Variants in CARHSP1 observed in about 807,000 individuals in gnomAD.
CARHSP1 encodes calcium-regulated heat-stable protein 1.
Under a neutral mutation model 12.5 loss-of-function variants are expected in CARHSP1, and 14 were observed. The ratio of observed to expected loss-of-function variants is 1.12; its 90% confidence interval spans 0.74 to 1.75. The LOEUF is 1.75. CARHSP1 is among the 40% of genes most tolerant of loss of function. The probability of loss-of-function intolerance (pLI) is 0.00; values close to 1 mark genes in which losing one functional copy is unlikely to be tolerated. For missense variants in CARHSP1, 343 were observed against 201.6 expected (o/e 1.70, Z -4.25); for synonymous variants, 161 against 82.0 (o/e 1.96, Z -5.20).
At chr16:8,858,791 CG>C in intron 2 of CARHSP1, 1 of 423,868 alleles carries the variant, frequency 2.4e-6, no homozygotes, top group Non-Finnish European at 4.2e-6. Flanking sequence ...ATCCTCCACT[CG>C]CAAGGCCTGA....
intron 1 of CARHSP1, among the ~76,000 whole-genome samples, chr16:8,865,075 C>G (rs1464796151): frequency 6.6e-6 from 1 of 152,218 alleles, no homozygotes; most frequent in Non-Finnish European, 1.5e-5. Context: ...GCCATTTACA[C>G]TCTAGTAAGA....
intron 1 of CARHSP1, among the ~76,000 whole-genome samples, chr16:8,865,185 T>A (rs1189476770): frequency 6.6e-6 from 1 of 152,186 alleles, no homozygotes; most frequent in Non-Finnish European, 1.5e-5. Context: ...CTCAGCTCAC[T>A]GCAGACCCCC....
Position 8,855,168 on chromosome 16 carries a change from G to GATCTCCACC in CARHSP1, c.439_440insGGTGGAGAT (p.Ser146_Ser147insTrpTrpArg), listed in dbSNP as rs1396443635. The GATCTCCACC allele has an allele frequency of 1.9e-6, 3 of 1,594,158 alleles. No homozygotes were observed. In the African/African-American group the frequency reaches 4.0e-5, roughly 21 times the overall value. ...AAGGGGTGCTTCCACCATCTCCTAGGAGCTGATGACATGTCCAGACCAGGT... is the reference window on the plus strand; with the variant it reads ...AAGGGGTGCTTCCACCATCTCCTAGGATCTCCACCAGCTGATGACATGTCCAGACCAGGT... On this transcript the variant is annotated inframe_insertion, in exon 4 of 4. Transcript: ENST00000311052.
chr16:8,862,846 G>C (rs254945), intron 1 of CARHSP1, among the ~76,000 whole-genome samples: 1 of 151,920 alleles, frequency 6.6e-6, no homozygotes, highest in Admixed American at 6.6e-5. Context: ...CACCATCGTC[G>C]TCCTCCTTGC....
Position 8,859,028 on chromosome 16 carries a change from ACCCTCAG to A in CARHSP1, c.158+136_158+142del, listed in dbSNP as rs1336610389. 7.2e-6 allele frequency: 5 copies of A among 695,862 alleles called. No individual in the cohort carries two copies. The African/African-American group carries it at 7.2e-5, about 10-fold the overall frequency. 43.1% of individuals were successfully genotyped at this position (695,862 alleles called of 1,614,324 possible). On this transcript the variant is annotated intron_variant, in intron 2 of 3. Transcript: ENST00000311052. ...TTACAAGGCGCCTTCCTAGTTTCTC[ACCCTCAG>A]CCCACGGCCCAGCCCCAGGTCTGCC...
At chr16:8,863,882 C>G (rs1273084267) in intron 1 of CARHSP1, among the ~76,000 whole-genome samples, 3 of 152,284 alleles carry the variant, frequency 2.0e-5, no homozygotes, top group African/African-American at 7.2e-5. Flanking sequence ...CAGCCCCGCC[C>G]ACCAGCACAG....
rs771384250 is a variant in CARHSP1 at position 8,859,260 on chromosome 16, G to A, written c.69C>T (p.Thr23=). ...THQASVGLLD[T]PRSRERSPSP... ...ATGGTGAGCGCTCACGGCTCCGAGG[G>A]GTGTCCAGCAGCCCGACTGAAGCTT... The change falls in exon 2 of 4, where the codon ACC becomes ACT. Residue 23 remains threonine (T), a synonymous_variant. Coordinates refer to ENST00000311052, the MANE Select transcript of CARHSP1 (RefSeq NM_014316.4). 8.1e-6 allele frequency: 13 copies of A among 1,602,642 alleles called. No individual in the cohort carries two copies. The African/African-American group carries it at 1.1e-4, about 14-fold the overall frequency.
chr16:8,857,280 T>TTTTTG (rs2061160550), intron 3 of CARHSP1, among the ~76,000 whole-genome samples: 1 of 119,018 alleles, frequency 8.4e-6, no homozygotes, highest in African/African-American at 3.1e-5. Flanking sequence ...TTTTTTTTTT[T>TTTTTG]TTTTTTTTTT....
intron 1 of CARHSP1, chr16:8,861,614 C>CT (rs1240746879): frequency 2.3e-6 from 3 of 1,289,010 alleles, no homozygotes; most frequent in African/African-American, 3.0e-5. Context: ...TCAGTTCTGT[C>CT]GGGCTGGGAA....
chr16:8,858,568 C>T (rs1303203342), intron 2 of CARHSP1, 96 bp from the exon 3 acceptor site: 9 of 1,474,724 alleles, frequency 6.1e-6, no homozygotes, highest in East Asian at 4.6e-5. Flanking sequence ...CCATCAAGCC[C>T]TGGCCAGGAC....
intron 2 of CARHSP1, chr16:8,858,786 C>G: frequency 2.3e-6 from 1 of 439,134 alleles, no homozygotes; most frequent in Non-Finnish European, 4.1e-6. Context: ...CAAGCATCCT[C>G]CACTCGCAAG....
chr16:8,857,263 G>GTTTTTTGTTTTTTGTTTTTTTTTTTT (rs1315960023), intron 3 of CARHSP1, among the ~76,000 whole-genome samples: 9 of 57,036 alleles, frequency 1.6e-4, no homozygotes, highest in African/African-American at 2.8e-4. Flanking sequence ...GGGCAGATCT[G>GTTTTTTGTTTTTTGTTTTTTTTTTTT]TTTTTTTTTT....
chr16:8,867,006 A>G (rs12446587), intron 1 of CARHSP1, among the ~76,000 whole-genome samples: 21,209 of 151,982 alleles, frequency 0.14, 1,719 homozygotes, highest in Middle Eastern at 0.23. Flanking sequence ...CAACATTGCC[A>G]TTGCCTGTGC....
intron 1 of CARHSP1, chr16:8,860,451 A>G: frequency 1.0e-6 from 1 of 985,402 alleles, no homozygotes; most frequent in Non-Finnish European, 1.2e-6. Context: ...ATCACTGAAC[A>G]TTGAATATGA....
chr16:8,858,507 A>C (rs764637577), intron 2 of CARHSP1, 35 bp from the exon 3 acceptor site: 4 of 1,607,812 alleles, frequency 2.5e-6, no homozygotes, highest in East Asian at 4.5e-5. Context: ...GGGCCCCATC[A>C]GCGCTCCTGG....
At position 8,853,464 on chromosome 16, in the gene CARHSP1, C is replaced by T. The variant is rs2061001699; in HGVS notation, c.*1700G>A. On this transcript the variant is annotated 3_prime_UTR_variant, in exon 4 of 4. Coordinates refer to ENST00000311052, the MANE Select transcript of CARHSP1 (RefSeq NM_014316.4). ...CTGTGGTGGGAACTGCCTTTGTCTC[C>T]ACACACTCGCAATCAACATGCGTAT... 1 of 152,152 alleles carries T rather than the reference C, an allele frequency of 6.6e-6. No individual in the cohort carries two copies. The highest frequency in any genetic ancestry group is 2.1e-4 in the South Asian group (1 of 4,826). 9.4% of individuals were successfully genotyped at this position (152,152 alleles called of 1,614,324 possible).
Position 8,854,464 on chromosome 16 carries a change from G to C in CARHSP1, c.*700C>G, listed in dbSNP as rs1272962259. 1 of 152,684 alleles carries C rather than the reference G, an allele frequency of 6.5e-6. No individual in the cohort carries two copies. Among genetic ancestry groups the C allele is most frequent in the Non-Finnish European group, 1.5e-5 (1 of 68,074 alleles). The allele number at this position is 152,684 out of a possible 1,614,324, so 9.5% of individuals were successfully genotyped here. A position where few individuals can be genotyped will look rare whatever the true frequency, so the allele number is the denominator to read the frequency against. ...ATGAAAAGGTCAGGCTCTAAGAGGG[G>C]TTCAGCCTCCCAGTACCAGCCTGCT... On this transcript the variant is annotated 3_prime_UTR_variant, in exon 4 of 4. Transcript: ENST00000311052.
chr16:8,860,790 C>T (rs1015819918), intron 1 of CARHSP1, among the ~76,000 whole-genome samples: 1 of 152,022 alleles, frequency 6.6e-6, no homozygotes, highest in Non-Finnish European at 1.5e-5. Flanking sequence ...GTGGCTCACA[C>T]CTGTAATCCC....
rs537614451 is a variant in CARHSP1 at position 8,861,989 on chromosome 16, CTTTT to C, written c.-7-2658_-7-2655del. On this transcript the variant is annotated intron_variant, in intron 1 of 3. Coordinates refer to ENST00000311052, the MANE Select transcript of CARHSP1 (RefSeq NM_014316.4). ...TTCTCCTGGAGTCAAGCATAGCTGA[CTTTT>C]TTTTTTTTTTTTTTTTTTTTTTTTA... Among the ~76,000 whole-genome samples the C allele has an allele frequency of 4.9e-3, 388 of 79,760 alleles. 1 individual carries two copies. Among genetic ancestry groups the C allele is most frequent in the African/African-American group, 0.013 (322 of 24,964 alleles). The allele number at this position is 79,760 out of a possible 152,430, so 52.3% of individuals were successfully genotyped here.
Sources: allele counts gnomAD v4.1 joint callset (sites outside exome capture counted in the v4.1 genomes callset), GRCh38; gene constraint gnomAD v4.1.1; transcripts MANE v1.5; gene names NCBI Gene and HGNC (gene_info 2026-07-23, HGNC 2026-07-21).